PEX14: variants seen among roughly 807,000 people sequenced by gnomAD.
PEX14 encodes peroxisomal membrane protein PEX14.
A neutral mutation model predicts 49.5 loss-of-function variants in PEX14; 15 were observed. The observed-to-expected ratio is 0.30, with a 90% CI of 0.20 to 0.47. The LOEUF is 0.47. PEX14 is among the 20% of genes least tolerant of loss of function. The pLI is 1.00. For synonymous variants in PEX14, 210 were observed against 212.7 expected (o/e 0.99, Z 0.11); for missense variants, 398 against 494.8 (o/e 0.80, Z 1.86).
At chr1:10,517,994 C>G (rs1390078739) in intron 2 of PEX14, among the ~76,000 whole-genome samples, 5 of 152,146 alleles carry the variant, frequency 3.3e-5, no homozygotes, top group African/African-American at 1.2e-4. Context: ...GTCTCTTCCT[C>G]TGTCATGCGT....
At chr1:10,501,290 GTTTATTTTTATT>G (rs56216324) in intron 2 of PEX14, among the ~76,000 whole-genome samples, 2 of 149,628 alleles carry the variant, frequency 1.3e-5, no homozygotes, top group Admixed American at 6.6e-5. Context: ...CGCCCTATCA[GTTTATTTTTATT>G]TTTATTTTTA....
At chr1:10,505,308 A>G (rs76682837) in intron 2 of PEX14, among the ~76,000 whole-genome samples, 1,531 of 152,100 alleles carry the variant, frequency 0.01, 26 homozygotes, top group African/African-American at 0.034. Flanking sequence ...CCATCTCTAT[A>G]AAAAATGCAA....
intron 3 of PEX14, among the ~76,000 whole-genome samples, chr1:10,563,917 GA>G (rs61569304): frequency 5.7e-4 from 85 of 148,392 alleles, no homozygotes; most frequent in African/African-American, 1.5e-3. Flanking sequence ...TCTCAAAAAA[GA>G]AAAAAAAAAA....
chr1:10,529,480 A>G lies in PEX14; in HGVS notation c.85-6733A>G, dbSNP rs1257302316. Among the ~76,000 whole-genome samples the G allele has an allele frequency of 1.3e-5, 2 of 152,258 alleles. No individual in the cohort carries two copies. The highest frequency in any genetic ancestry group is 2.9e-5 in the Non-Finnish European group (2 of 68,046). Reference sequence around the variant, plus strand: ...GTGGTTTAAGATGCTTTTTATTTCAATATACATTTCTGGAAGAACTACTTT... The same window carrying G: ...GTGGTTTAAGATGCTTTTTATTTCAGTATACATTTCTGGAAGAACTACTTT... On this transcript the variant is annotated intron_variant, in intron 2 of 8. Transcript: ENST00000356607. This position sits in a 1 kb window ranked among gnomAD's most constrained non-coding sequence, Gnocchi z 4.2.
At chr1:10,552,437 G>A (rs1294283818) in intron 3 of PEX14, among the ~76,000 whole-genome samples, 3 of 151,818 alleles carry the variant, frequency 2.0e-5, no homozygotes, top group East Asian at 1.9e-4. Flanking sequence ...GCAAGACTCC[G>A]TCTCAAAAAA....
chr1:10,478,230 A>AAC (rs1641229298), intron 1 of PEX14, among the ~76,000 whole-genome samples: 1 of 152,166 alleles, frequency 6.6e-6, no homozygotes, highest in African/African-American at 2.4e-5. Context: ...ACAGTGCCTG[A>AAC]AACAATGTGT....
In PEX14 at chr1:10,597,656, AT is replaced by A. The variant is rs759089736; in HGVS notation, c.170-1581del. 2.0e-5 allele frequency among the ~76,000 whole-genome samples: 3 copies of A among 152,208 alleles called. No individual in the cohort carries two copies. Among genetic ancestry groups the A allele is most frequent in the Non-Finnish European group, 4.4e-5 (3 of 68,026 alleles). On this transcript the variant is annotated intron_variant, in intron 3 of 8. Coordinates refer to ENST00000356607, the MANE Select transcript of PEX14 (RefSeq NM_004565.3). The surrounding 1 kb of genome is among the most constrained non-coding windows in gnomAD (Gnocchi z 5.7). ...TCCAGCCCACCAATCTGTTGAGAGC[AT>A]GGTGCTATCAGGGCAACCCGGTGGC... is the stretch of plus-strand genomic sequence containing the variant.
chr1:10,601,430 G>T (rs1168573804), intron 4 of PEX14, among the ~76,000 whole-genome samples: 1 of 152,138 alleles, frequency 6.6e-6, no homozygotes, highest in Non-Finnish European at 1.5e-5. Flanking sequence ...TGTGATCTTG[G>T]CAGTAGAGCC....
intron 4 of PEX14, among the ~76,000 whole-genome samples, chr1:10,610,678 T>A (rs1570347691): frequency 6.6e-6 from 1 of 151,896 alleles, no homozygotes; most frequent in South Asian, 2.1e-4. Flanking sequence ...AGAGACGAGG[T>A]TTCTCCATGT....
chr1:10,607,389 T>G (rs1235696825), intron 4 of PEX14, among the ~76,000 whole-genome samples: 3 of 152,236 alleles, frequency 2.0e-5, no homozygotes, highest in African/African-American at 7.2e-5. Flanking sequence ...TTTTTATTTC[T>G]CTTGGGTGAG....
chr1:10,586,790 C>T (rs1013691356), intron 3 of PEX14, among the ~76,000 whole-genome samples: 1 of 152,076 alleles, frequency 6.6e-6, no homozygotes, highest in African/African-American at 2.4e-5. Flanking sequence ...CAGGTGCCCA[C>T]CACCATGCCC....
At chr1:10,576,202 A>C (rs1404634514) in intron 3 of PEX14, among the ~76,000 whole-genome samples, 1 of 152,056 alleles carries the variant, frequency 6.6e-6, no homozygotes, top group Non-Finnish European at 1.5e-5. Flanking sequence ...TATAAAAGTG[A>C]TTATTTTCAC....
intron 3 of PEX14, among the ~76,000 whole-genome samples, chr1:10,574,071 C>T (rs899279349): frequency 6.6e-6 from 1 of 152,168 alleles, no homozygotes; most frequent in African/African-American, 2.4e-5. Flanking sequence ...CACTGCACTC[C>T]AGCCTGGGTG....
intron 3 of PEX14, among the ~76,000 whole-genome samples, chr1:10,581,609 T>G (rs1391052131): frequency 6.6e-6 from 1 of 151,888 alleles, no homozygotes; most frequent in Non-Finnish European, 1.5e-5. Context: ...TGGCTAATCC[T>G]TGTTATTCTT....
intron 3 of PEX14, among the ~76,000 whole-genome samples, chr1:10,554,436 C>T (rs1302426360): frequency 6.6e-6 from 1 of 152,156 alleles, no homozygotes; most frequent in Non-Finnish European, 1.5e-5. Context: ...CCAGAGCACA[C>T]GCAGAGTCAT....
In PEX14 at chr1:10,495,528, C is replaced by T. The variant is rs544275089; in HGVS notation, c.84+207C>T. On this transcript the variant is annotated intron_variant, in intron 2 of 8. Transcript: ENST00000356607. This position sits in a 1 kb window ranked among gnomAD's most constrained non-coding sequence, Gnocchi z 4.2. ...TCTCCTTAGTAAAGGCTGGTCCTTT[C>T]TAGGACTAAAAGCATCCACCCCAGA... 1.1e-4 allele frequency among the ~76,000 whole-genome samples: 17 copies of T among 152,240 alleles called. No homozygotes were observed. The East Asian group carries it at 3.3e-3, about 29-fold the overall frequency.
At chr1:10,534,680 C>T (rs938008601) in intron 2 of PEX14, among the ~76,000 whole-genome samples, 4 of 152,110 alleles carry the variant, frequency 2.6e-5, no homozygotes, top group South Asian at 2.1e-4. Context: ...TTAGTACTGT[C>T]GGCAGCATTG....
In PEX14 at chr1:10,539,685, ACAGCAATAGAATCAGTC is replaced by A. The variant is rs1312856155; in HGVS notation, c.169+3392_169+3408del. 6.6e-6 allele frequency among the ~76,000 whole-genome samples: 1 copy of A among 152,144 alleles called. No individual in the cohort carries two copies. The highest frequency in any genetic ancestry group is 2.4e-5 in the African/African-American group (1 of 41,420). ...TCCAGGAGGTTAGAGTAACGTAAAA[ACAGCAATAGAATCAGTC>A]CAGAAAGTTAGAGGCTTGGAAATTG... On this transcript the variant is annotated intron_variant, in intron 3 of 8. Coordinates refer to ENST00000356607, the MANE Select transcript of PEX14 (RefSeq NM_004565.3). The surrounding 1 kb of genome is among the most constrained non-coding windows in gnomAD (Gnocchi z 4.6).
At chr1:10,541,422 G>T (rs1273335747) in intron 3 of PEX14, among the ~76,000 whole-genome samples, 1 of 152,244 alleles carries the variant, frequency 6.6e-6, no homozygotes, top group Non-Finnish European at 1.5e-5. Context: ...CAGCAGCGTG[G>T]CATCTTCCGC....
Sources: allele counts gnomAD v4.1 joint callset (sites outside exome capture counted in the v4.1 genomes callset), GRCh38; gene constraint gnomAD v4.1.1; non-coding constraint Gnocchi (gnomAD v3.1); transcripts MANE v1.5; gene names NCBI Gene and HGNC (gene_info 2026-07-23, HGNC 2026-07-21).